ACTR3: variants seen among roughly 807,000 people sequenced by gnomAD.
ACTR3 encodes the protein actin related protein 3, also known as actin-related protein 3.
In ACTR3, 12 loss-of-function variants were observed where a neutral mutation model predicts 56.8. The ratio of observed to expected loss-of-function variants is 0.21; its 90% CI spans 0.14 to 0.34. The LOEUF is 0.34. Ranked by LOEUF, ACTR3 falls within the 10% of genes least tolerant of loss-of-function variation. ACTR3 has a pLI of 1.00. For synonymous variants in ACTR3, 162 were observed against 167.4 expected (o/e 0.97, Z 0.25); for missense variants, 282 against 512.5 (o/e 0.55, Z 4.34).
chr2:113,906,507 G>A (rs750426831), intron 1 of ACTR3, among the ~76,000 whole-genome samples: 33 of 151,750 alleles, frequency 2.2e-4, no homozygotes, highest in Non-Finnish European at 3.8e-4. Flanking sequence ...TGTTACTTGT[G>A]CTTTTGGTGT....
intron 1 of ACTR3, among the ~76,000 whole-genome samples, chr2:113,909,051 C>T (rs1679255101): frequency 6.6e-6 from 1 of 152,098 alleles, no homozygotes; most frequent in Non-Finnish European, 1.5e-5. Flanking sequence ...CTAATGTAGA[C>T]AGACTTTACA....
In ACTR3 at chr2:113,960,172, C is replaced by A. The variant is rs1245916556; in HGVS notation, c.*2717C>A. On this transcript the variant is annotated 3_prime_UTR_variant, in exon 12 of 12. Transcript: ENST00000263238. ...TGATCAAGTGGGAAATAGTAATGGA[C>A]AAATAAAATCAATGATCATTATCTA... 1.3e-5 allele frequency: 2 copies of A among 151,910 alleles called. No homozygotes were observed. The highest frequency in any genetic ancestry group is 2.9e-5 in the Non-Finnish European group (2 of 67,888). The allele number at this position is 151,910 out of a possible 1,614,324, so 9.4% of individuals were successfully genotyped here.
At chr2:113,941,381 T>C (rs1488262208) in intron 7 of ACTR3, among the ~76,000 whole-genome samples, 1 of 152,188 alleles carries the variant, frequency 6.6e-6, no homozygotes, top group Non-Finnish European at 1.5e-5. Flanking sequence ...GGAATATCAT[T>C]TCTTTGTCAT....
Position 113,942,179 on chromosome 2 carries a change from T to G in ACTR3, c.685-7T>G, listed in dbSNP as rs371975. The G allele has an allele frequency of 6.5e-7, 1 of 1,545,210 alleles. No individual in the cohort carries two copies. Among genetic ancestry groups the G allele is most frequent in the Non-Finnish European group, 8.6e-7 (1 of 1,157,732 alleles). ...AAAAAAGTTACTTTTGTTTCTTTGT[T>G]TTTCAGGAGCGCTATAGTTATGTCT... On this transcript the variant is annotated splice_polypyrimidine_tract_variant and splice_region_variant and intron_variant, in intron 7 of 11. Transcript: ENST00000263238.
intron 8 of ACTR3, 21 bp from the exon 9 acceptor site, chr2:113,951,458 T>C (rs540961198): frequency 2.0e-6 from 3 of 1,501,962 alleles, no homozygotes; most frequent in African/African-American, 1.4e-5. Flanking sequence ...ATCTCTATTA[T>C]ATATCCAACT....
intron 1 of ACTR3, among the ~76,000 whole-genome samples, chr2:113,895,059 T>TC (rs61667793): frequency 0.027 from 2,972 of 111,382 alleles, 80 homozygotes; most frequent in Admixed American, 0.092. Flanking sequence ...TGGTTTAGGT[T>TC]CCCCCCCCCC....
intron 2 of ACTR3, among the ~76,000 whole-genome samples, chr2:113,914,355 G>A (rs558198118): frequency 6.6e-6 from 1 of 152,292 alleles, no homozygotes; most frequent in East Asian, 1.9e-4. Flanking sequence ...GCTCACGCCT[G>A]TAATCCCAGC....
At chr2:113,957,306 C>T in intron 11 of ACTR3, 54 bp from the exon 12 acceptor site, 2 of 1,322,138 alleles carry the variant, frequency 1.5e-6, no homozygotes, top group Non-Finnish European at 2.2e-6. Context: ...TTCAATATAC[C>T]TTCAAGATGG....
At chr2:113,920,184 A>G (rs1679480896) in intron 3 of ACTR3, among the ~76,000 whole-genome samples, 5 of 152,112 alleles carry the variant, frequency 3.3e-5, no homozygotes, top group Non-Finnish European at 7.4e-5. Context: ...TGGCCTCCCA[A>G]AGTGCTGGGA....
At chr2:113,895,091 T>C (rs1023353624) in intron 1 of ACTR3, among the ~76,000 whole-genome samples, 9 of 108,816 alleles carry the variant, frequency 8.3e-5, no homozygotes, top group African/African-American at 3.4e-4. Context: ...GATATGTGAA[T>C]GCCTAGACTA....
At chr2:113,902,984 A>C (rs1316773826) in intron 1 of ACTR3, among the ~76,000 whole-genome samples, 2 of 152,212 alleles carry the variant, frequency 1.3e-5, no homozygotes, top group Non-Finnish European at 2.9e-5. Context: ...TGACATAGTT[A>C]CCTTTTTTGT....
intron 1 of ACTR3, among the ~76,000 whole-genome samples, chr2:113,912,590 T>C (rs1441608852): frequency 2.0e-5 from 3 of 152,168 alleles, no homozygotes; most frequent in Admixed American, 6.5e-5. Flanking sequence ...ATGCCCCAGT[T>C]CCCTTTTTTG....
At chr2:113,897,193 G>C (rs1679022909) in intron 1 of ACTR3, among the ~76,000 whole-genome samples, 1 of 152,126 alleles carries the variant, frequency 6.6e-6, no homozygotes, top group Admixed American at 6.5e-5. Flanking sequence ...TTATTAGATA[G>C]GAGATAAGGT....
chr2:113,939,101 G>T (rs1481792973), intron 6 of ACTR3, among the ~76,000 whole-genome samples: 2 of 151,102 alleles, frequency 1.3e-5, no homozygotes, highest in Non-Finnish European at 2.9e-5. Flanking sequence ...TCGACTCACT[G>T]CAAGCTCCGC....
intron 10 of ACTR3, chr2:113,953,661 A>G (rs1483798755): frequency 6.6e-6 from 1 of 150,634 alleles, no homozygotes; most frequent in Non-Finnish European, 1.5e-5. Context: ...AAGCCATATC[A>G]TTCTGTTTCT....
intron 8 of ACTR3, among the ~76,000 whole-genome samples, chr2:113,942,588 T>C (rs954612248): frequency 6.6e-5 from 10 of 152,052 alleles, no homozygotes; most frequent in Admixed American, 1.3e-4. Flanking sequence ...TTTTAAAAAA[T>C]ATGTGTGGCT....
intron 2 of ACTR3, among the ~76,000 whole-genome samples, chr2:113,916,225 C>T (rs17045865): frequency 0.012 from 1,882 of 151,090 alleles, 38 homozygotes; most frequent in African/African-American, 0.043. Flanking sequence ...AAGAACTGAA[C>T]TTGATGGATT....
intron 6 of ACTR3, 142 bp from the exon 7 acceptor site, chr2:113,939,817 A>T: frequency 1.7e-6 from 1 of 586,626 alleles, no homozygotes; most frequent in Non-Finnish European, 2.7e-6. Context: ...CTGAGGAATA[A>T]AGGTAAGTTC....
chr2:113,955,785 T>C, intron 11 of ACTR3, 79 bp downstream of exon 11: 1 of 1,190,404 alleles, frequency 8.4e-7, no homozygotes. Flanking sequence ...TTCGCTCTTG[T>C]CACCCAGGCT....
Sources: gnomAD v4.1 joint callset for allele counts (sites outside exome capture counted in the v4.1 genomes callset) on GRCh38, gnomAD v4.1.1 for gene constraint, MANE v1.5 for transcripts, NCBI Gene and HGNC (gene_info 2026-07-23, HGNC 2026-07-21) for gene names.